The following XRN1 variants were observed in gnomAD, a reference collection of about 807,000 sequenced individuals.
The protein encoded by XRN1 is strand-exchange protein 1 homolog.
Under a neutral mutation model 222.3 loss-of-function variants are expected in XRN1, and 67 were observed. That is an observed-to-expected ratio of 0.30 (90% CI 0.25 to 0.37). XRN1 has a LOEUF of 0.37. Among genes scored for constraint, XRN1 ranks in the 10% least tolerant of loss-of-function variants. The pLI is 1.00. For synonymous variants in XRN1, 643 were observed against 652.4 expected, an observed-to-expected ratio of 0.99 and a Z score of 0.22; for missense variants, 1,707 against 2,000.2, an observed-to-expected ratio of 0.85 and a Z score of 2.80.
chr3:142,374,812 G>C lies in XRN1; in HGVS notation c.2978+986C>G, dbSNP rs142846360. Among the ~76,000 whole-genome samples the C allele has an allele frequency of 1.0e-3, 154 of 152,314 alleles. 1 individual carries two copies. Among genetic ancestry groups the C allele is most frequent in the African/African-American group, 3.5e-3 (145 of 41,570 alleles). The stretch of plus-strand genomic sequence containing the variant: ...GAATTGTGTCCTGCCCCACTCAGAA[G>C]TTATCGAATGTGACTTTATTTGGAA... On this transcript the variant is annotated intron_variant, in intron 25 of 40. Transcript: ENST00000392981.
rs1033697149 is a variant in XRN1, at chr3:142,308,878, G to C, written c.*2633C>G. 6.6e-6 allele frequency: 1 copy of C among 152,184 alleles called. No individual in the cohort carries two copies. The highest frequency in any genetic ancestry group is 1.5e-5 in the Non-Finnish European group (1 of 68,030). 9.4% of individuals were successfully genotyped at this position (152,184 alleles called of 1,614,324 possible). A position where few individuals can be genotyped will look rare whatever the true frequency, so the allele number is the denominator to read the frequency against. On this transcript the variant is annotated 3_prime_UTR_variant, in exon 41 of 41. Transcript: ENST00000392981. ...AGTCCTCAGAAGATTCAAGTTGAAT[G>C]AGCATATTTTTAAACTTTGGGGGTG...
chr3:142,422,900 T>C lies in XRN1; in HGVS notation c.733A>G (p.Thr245Ala). ...AAAGACAAGTGTAGAAGGTGAAATGTAGTTTCTTCTGGAGCACATACCCTG... is the reference window on the plus strand; with the variant it reads ...AAAGACAAGTGTAGAAGGTGAAATGCAGTTTCTTCTGGAGCACATACCCTG... ...TQRVCAPEET[T>A]FHLLHLSLMR... The change falls in exon 7 of 41, where the codon ACA becomes GCA. Residue 245 changes from threonine to alanine, a missense_variant. Physicochemically the swap from Thr to Ala is moderately conservative, Grantham distance 58. Coordinates refer to ENST00000392981, the MANE Select transcript of XRN1 (RefSeq NM_001282857.2). 1.9e-6 allele frequency: 3 copies of C among 1,612,294 alleles called. No homozygotes were observed. The highest frequency in any genetic ancestry group is 2.5e-6 in the Non-Finnish European group (3 of 1,178,860).
chr3:142,363,063 C>T lies in XRN1; in HGVS notation c.3394+1984G>A, dbSNP rs572372314. Among the ~76,000 whole-genome samples the T allele has an allele frequency of 5.9e-5, 9 of 152,256 alleles. No individual in the cohort carries two copies. In the South Asian group the frequency reaches 1.2e-3, roughly 21 times the overall value. On this transcript the variant is annotated intron_variant, in intron 29 of 40. Transcript: ENST00000392981. Reference sequence around the variant, plus strand: ...GTGTTGGGATTACAAGTGTGAGCCACGGCACCAGGCTGGCAATTTTCTTTC... The same window carrying T: ...GTGTTGGGATTACAAGTGTGAGCCATGGCACCAGGCTGGCAATTTTCTTTC...
In XRN1 at chr3:142,307,075, A is replaced by C. The variant is rs1230060828; in HGVS notation, c.*4436T>G. The C allele has an allele frequency of 2.0e-5, 3 of 152,524 alleles. No individual in the cohort carries two copies. The highest frequency in any genetic ancestry group is 7.2e-5 in the African/African-American group (3 of 41,448). The allele number at this position is 152,524 out of a possible 1,614,324, so 9.4% of individuals were successfully genotyped here. A position where few individuals can be genotyped will look rare whatever the true frequency, so the allele number is the denominator to read the frequency against. On this transcript the variant is annotated 3_prime_UTR_variant, in exon 41 of 41. Coordinates refer to ENST00000392981, the MANE Select transcript of XRN1 (RefSeq NM_001282857.2). Reference sequence around the variant, plus strand: ...TTAAACTAGATGAAAATACTCAAAGAAGCAGTTGGATACAGGCAAAAGAAA... The same window carrying C: ...TTAAACTAGATGAAAATACTCAAAGCAGCAGTTGGATACAGGCAAAAGAAA...
chr3:142,365,498 C>T, intron 27 of XRN1, 132 bp from the exon 28 acceptor site: 3 of 570,668 alleles, frequency 5.3e-6, no homozygotes, highest in Non-Finnish European at 8.2e-6. Flanking sequence ...ATTTAAAGTT[C>T]TGCAGCTGCA....
intron 18 of XRN1, among the ~76,000 whole-genome samples, chr3:142,400,932 A>G (rs2068105604): frequency 6.6e-6 from 1 of 152,160 alleles, no homozygotes. Flanking sequence ...TAAATAAATA[A>G]ATAAATAAAA....
intron 13 of XRN1, among the ~76,000 whole-genome samples, chr3:142,416,286 G>A (rs1359698729): frequency 6.6e-6 from 1 of 152,048 alleles, no homozygotes; most frequent in Non-Finnish European, 1.5e-5. Context: ...AAGTTCAAGC[G>A]ATTCTCCAGC....
At position 142,398,257 on chromosome 3, in the gene XRN1, CAAT is replaced by C. The variant is rs537254051; in HGVS notation, c.2208-800_2208-798del. Among the ~76,000 whole-genome samples, 553 of 151,196 alleles carry C rather than the reference CAAT, an allele frequency of 3.7e-3. 1 individual carries two copies. Among genetic ancestry groups the C allele is most frequent in the Non-Finnish European group, 6.1e-3 (413 of 67,814 alleles). The stretch of plus-strand genomic sequence containing the variant: ...TGTCTCTCCCAATCAGTCAGTCAGT[CAAT>C]AAAATTTAAAAGCATATTTTTTTCC... On this transcript the variant is annotated intron_variant, in intron 19 of 40. Transcript: ENST00000392981.
At position 142,335,495 on chromosome 3, in the gene XRN1, T is replaced by C; in HGVS notation, c.3892A>G (p.Lys1298Glu). 6.2e-7 allele frequency: 1 copy of C among 1,613,796 alleles called. No individual in the cohort carries two copies. Among genetic ancestry groups the C allele is most frequent in the Admixed American group, 1.7e-5 (1 of 59,972 alleles). The change falls in exon 34 of 41, where the codon AAG becomes GAG. Residue 1298 changes from lysine (K) to glutamate (E), a missense_variant. Physicochemically the swap from Lys to Glu is moderately conservative, Grantham distance 56. Coordinates refer to ENST00000392981, the MANE Select transcript of XRN1 (RefSeq NM_001282857.2). ...DPHRKFKEEC[K>E]SPKAECWSQK... Reference sequence around the variant, plus strand: ...GACCAACACTCAGCTTTAGGACTCTTACACTCTTCTTTAACTAGAGACAAG... The same window carrying C: ...GACCAACACTCAGCTTTAGGACTCTCACACTCTTCTTTAACTAGAGACAAG...
At chr3:142,340,672 G>A (rs1007793584) in intron 33 of XRN1, among the ~76,000 whole-genome samples, 1 of 151,796 alleles carries the variant, frequency 6.6e-6, no homozygotes, top group East Asian at 1.9e-4. Flanking sequence ...TCATAAAGCA[G>A]CAAGAGAAAA....
chr3:142,345,266 T>C (rs1015907850), intron 33 of XRN1, among the ~76,000 whole-genome samples: 1 of 152,120 alleles, frequency 6.6e-6, no homozygotes. Flanking sequence ...GCCAAGACTA[T>C]TCAATGGGGT....
At chr3:142,419,324 G>GA (rs893761240) in intron 10 of XRN1, among the ~76,000 whole-genome samples, 12 of 150,116 alleles carry the variant, frequency 8.0e-5, no homozygotes, top group African/African-American at 2.2e-4. Flanking sequence ...CTTAGGGGGG[G>GA]AAAAAAAAAG....
intron 2 of XRN1, among the ~76,000 whole-genome samples, chr3:142,432,229 T>TTATA (rs1333102161): frequency 9.4e-6 from 1 of 106,416 alleles, no homozygotes; most frequent in Non-Finnish European, 2.1e-5. Flanking sequence ...ATATAATTAA[T>TTATA]TATATATATA....
intron 27 of XRN1, among the ~76,000 whole-genome samples, chr3:142,367,839 T>G (rs1330731064): frequency 1.3e-5 from 2 of 152,040 alleles, no homozygotes; most frequent in African/African-American, 4.8e-5. Flanking sequence ...CTACTAATAC[T>G]TTTAATGATG....
intron 29 of XRN1, among the ~76,000 whole-genome samples, chr3:142,362,186 A>G (rs928067963): frequency 5.3e-5 from 8 of 151,428 alleles, no homozygotes; most frequent in African/African-American, 1.9e-4. Context: ...CGCCCAGGCT[A>G]AAGTGCAGTG....
chr3:142,361,963 C>CTTTTTTTTTTTT (rs71153961), intron 29 of XRN1, among the ~76,000 whole-genome samples: 1 of 51,680 alleles, frequency 1.9e-5, no homozygotes. Flanking sequence ...CTTTTTCTCT[C>CTTTTTTTTTTTT]TTTTTTTTTT....
chr3:142,385,161 A>AG (rs2067450034), intron 20 of XRN1, among the ~76,000 whole-genome samples: 1 of 152,202 alleles, frequency 6.6e-6, no homozygotes, highest in Non-Finnish European at 1.5e-5. Flanking sequence ...TCAAACAAAT[A>AG]TTGATACACA....
At chr3:142,349,807 A>T (rs912500759) in intron 32 of XRN1, among the ~76,000 whole-genome samples, 8 of 152,186 alleles carry the variant, frequency 5.3e-5, no homozygotes, top group Non-Finnish European at 2.9e-5. Context: ...GACATTTAAG[A>T]GATAAAACAT....
intron 13 of XRN1, 60 bp downstream of exon 13, chr3:142,417,080 C>T: frequency 1.7e-6 from 2 of 1,193,702 alleles, no homozygotes; most frequent in Non-Finnish European, 2.4e-6. Flanking sequence ...CTAAATAAGA[C>T]TCTAGTAGAA....
Sources: allele counts gnomAD v4.1 joint callset (sites outside exome capture counted in the v4.1 genomes callset), GRCh38; gene constraint gnomAD v4.1.1; transcripts MANE v1.5; gene names NCBI Gene and HGNC (gene_info 2026-07-23, HGNC 2026-07-21).